DACH2: variants seen among roughly 807,000 people sequenced by gnomAD.
DACH2 encodes the protein dachshund homolog 2.
A neutral mutation model predicts 35.8 loss-of-function variants in DACH2; 17 were observed. The observed-to-expected ratio is 0.48, with a 90% CI of 0.33 to 0.71. The LOEUF (loss-of-function observed/expected upper bound fraction) is 0.71. Ranked by LOEUF, DACH2 falls within the 30% of genes least tolerant of loss-of-function variation. The pLI is 0.02. For synonymous variants in DACH2, 195 were observed against 177.3 expected, an observed-to-expected ratio of 1.10 and a Z score of -0.79; for missense variants, 469 against 472.7, an observed-to-expected ratio of 0.99 and a Z score of 0.07.
chrX:86,750,458 G>T (rs758163821), intron 7 of DACH2, among the ~76,000 whole-genome samples: 11 of 111,412 alleles, frequency 9.9e-5, no homozygotes, highest in Non-Finnish European at 2.1e-4. Flanking sequence ...CTTAATATGA[G>T]ACCTACCATC....
At chrX:86,581,438 G>T (rs1282001177) in intron 3 of DACH2, among the ~76,000 whole-genome samples, 2 of 111,308 alleles carry the variant, frequency 1.8e-5, no homozygotes, top group Non-Finnish European at 3.8e-5. Flanking sequence ...CAAAGTGGGA[G>T]AAATAAGCAA....
At position 86,826,595 on chromosome X, in the gene DACH2, G is replaced by A. The variant is rs1056487632; in HGVS notation, c.1751-5511G>A. Reference sequence around the variant, plus strand: ...GCAATTGTCTGCTTTTCCTACTTTCGAATTAGTAACTCATATTTATACTAC... The same window carrying A: ...GCAATTGTCTGCTTTTCCTACTTTCAAATTAGTAACTCATATTTATACTAC... On this transcript the variant is annotated intron_variant, in intron 11 of 11. Transcript: ENST00000373125. Among the ~76,000 whole-genome samples, 5 of 111,175 alleles carry A rather than the reference G, an allele frequency of 4.5e-5. No individual in the cohort carries two copies. In the Admixed American group the frequency reaches 4.8e-4, roughly 11 times the overall value.
At chrX:86,577,162 A>G (rs997445920) in intron 3 of DACH2, among the ~76,000 whole-genome samples, 1 of 111,607 alleles carries the variant, frequency 9.0e-6, no homozygotes, top group African/African-American at 3.3e-5. Flanking sequence ...AACCAACGGC[A>G]GTTACTATTA....
intron 2 of DACH2, among the ~76,000 whole-genome samples, chrX:86,495,629 G>C (rs2038158735): frequency 1.8e-5 from 2 of 109,609 alleles, no homozygotes; most frequent in African/African-American, 6.7e-5. Context: ...GGGCAACATA[G>C]TGAGATCCCA....
chrX:86,249,548 A>G (rs752626911), intron 1 of DACH2, among the ~76,000 whole-genome samples: 57 of 111,575 alleles, frequency 5.1e-4, no homozygotes, highest in Non-Finnish European at 9.8e-4. Context: ...AAGTTAAAAA[A>G]TCACAGATGC....
chrX:86,399,016 G>A (rs1316880272), intron 2 of DACH2, among the ~76,000 whole-genome samples: 1 of 111,408 alleles, frequency 9.0e-6, no homozygotes, highest in African/African-American at 3.3e-5. Flanking sequence ...TTGTGTGGGA[G>A]TCTAAGTCTC....
chrX:86,673,140 C>T (rs778335187), intron 4 of DACH2, among the ~76,000 whole-genome samples: 54 of 109,964 alleles, frequency 4.9e-4, no homozygotes, highest in Admixed American at 1.3e-3. Flanking sequence ...TCGAGACCAT[C>T]CTGGCTAACA....
rs776077947 is a variant in DACH2, at chrX:86,591,296, T to C, written c.641-59740T>C. The stretch of plus-strand genomic sequence containing the variant: ...CGCAATAAACATATGTGTGTATGTG[T>C]CTTTATAGCAGCACGATTTATAATC... On this transcript the variant is annotated intron_variant, in intron 3 of 11. Transcript: ENST00000373125. 1.2e-4 allele frequency among the ~76,000 whole-genome samples: 13 copies of C among 111,732 alleles called. No homozygotes were observed. In the East Asian group the frequency reaches 3.4e-3, roughly 29 times the overall value.
intron 1 of DACH2, among the ~76,000 whole-genome samples, chrX:86,229,830 T>C (rs1395846113): frequency 1.0e-5 from 1 of 95,888 alleles, no homozygotes; most frequent in Non-Finnish European, 1.9e-5. Flanking sequence ...ATCCAGAAAC[T>C]TTGCTGAATT....
chrX:86,198,731 C>A (rs919197501), intron 1 of DACH2, among the ~76,000 whole-genome samples: 1 of 110,733 alleles, frequency 9.0e-6, no homozygotes, highest in East Asian at 2.9e-4. Flanking sequence ...ATTGAATCCT[C>A]AAATAGACCA....
chrX:86,245,672 A>T (rs2033265900), intron 1 of DACH2, among the ~76,000 whole-genome samples: 1 of 111,653 alleles, frequency 9.0e-6, no homozygotes, highest in South Asian at 3.7e-4. Context: ...AAAAGCAAAA[A>T]ATCCCATCCA....
At position 86,589,335 on chromosome X, in the gene DACH2, G is replaced by GT. The variant is rs201081192; in HGVS notation, c.641-61694dup. 9.1e-3 allele frequency among the ~76,000 whole-genome samples: 998 copies of GT among 109,745 alleles called. 18 individuals are homozygous for GT. Among genetic ancestry groups the GT allele is most frequent in the African/African-American group, 0.032 (961 of 30,240 alleles). ...TTTTCTTCTGCTATATTTAGAGTTA[G>GT]TTTTTTTCTAGCGAATGGAAAATAT... On this transcript the variant is annotated intron_variant, in intron 3 of 11. Transcript: ENST00000373125.
At chrX:86,294,424 T>A (rs761263243) in intron 1 of DACH2, among the ~76,000 whole-genome samples, 1 of 110,060 alleles carries the variant, frequency 9.1e-6, no homozygotes, top group Admixed American at 9.7e-5. Context: ...TCTCTCAGCT[T>A]GTCAAAGTCA....
chrX:86,788,709 G>C (rs1170658273), intron 7 of DACH2, among the ~76,000 whole-genome samples: 2 of 111,619 alleles, frequency 1.8e-5, no homozygotes, highest in Admixed American at 1.9e-4. Flanking sequence ...AGAGTAAAGA[G>C]GAAAACAACT....
chrX:86,149,136 A>G (rs766491689), intron 1 of DACH2, 28 bp downstream of exon 1: 1 of 1,158,562 alleles, frequency 8.6e-7, no homozygotes, highest in Admixed American at 2.5e-5. Flanking sequence ...TGGCTCTCCC[A>G]CTTCTCTTAC....
At chrX:86,528,358 C>T (rs2038664090) in intron 3 of DACH2, among the ~76,000 whole-genome samples, 1 of 111,465 alleles carries the variant, frequency 9.0e-6, no homozygotes, top group African/African-American at 3.3e-5. Flanking sequence ...AAGCAACTTC[C>T]TGCAAGGCTA....
Position 86,460,938 on chromosome X carries a change from C to T in DACH2, c.528-53341C>T, listed in dbSNP as rs148998871. Among the ~76,000 whole-genome samples, 438 of 111,370 alleles carry T rather than the reference C, an allele frequency of 3.9e-3. 3 individuals carry two copies. The highest frequency in any genetic ancestry group is 0.014 in the Middle Eastern group (3 of 216). ...AATTGCTAACATAATTGTAACGTGG[C>T]CTCATTATTGCTTGCCTTGCACAAA... On this transcript the variant is annotated intron_variant, in intron 2 of 11. Coordinates refer to ENST00000373125, the MANE Select transcript of DACH2 (RefSeq NM_053281.3).
chrX:86,419,337 G>T (rs897028377), intron 2 of DACH2, among the ~76,000 whole-genome samples: 7 of 112,072 alleles, frequency 6.2e-5, no homozygotes, highest in African/African-American at 1.9e-4. Context: ...ATTTGCAAAA[G>T]AAAGAGGTTT....
chrX:86,724,769 C>T (rs2041446084), intron 6 of DACH2, among the ~76,000 whole-genome samples: 1 of 111,529 alleles, frequency 9.0e-6, no homozygotes, highest in South Asian at 3.7e-4. Flanking sequence ...ATTACTCCCT[C>T]ATATAGGTTT....
Sources: gnomAD v4.1 joint callset for allele counts (sites outside exome capture counted in the v4.1 genomes callset) on GRCh38, gnomAD v4.1.1 for gene constraint, MANE v1.5 for transcripts, NCBI Gene and HGNC (gene_info 2026-07-23, HGNC 2026-07-21) for gene names.